Variants in TP63 observed in about 807,000 individuals in gnomAD.
The protein encoded by TP63 is tumor protein 63.
A neutral mutation model predicts 82.8 loss-of-function variants in TP63; 17 were observed. The observed-to-expected ratio is 0.21, with a 90% confidence interval of 0.14 to 0.31. The LOEUF (loss-of-function observed/expected upper bound fraction) is 0.31. TP63 is among the 10% of genes least tolerant of loss of function. The probability of loss-of-function intolerance (pLI) is 1.00; values close to 1 mark genes in which losing one functional copy is unlikely to be tolerated. For missense variants in TP63, 648 were observed against 895.3 expected, an observed-to-expected ratio of 0.72 and a Z score of 3.52; for synonymous variants, 330 against 321.7, an observed-to-expected ratio of 1.03 and a Z score of -0.28.
In TP63 at chr3:189,815,058, T is replaced by C. The variant is rs555855830; in HGVS notation, c.579+6532T>C. On this transcript the variant is annotated intron_variant, in intron 4 of 13. Coordinates refer to ENST00000264731, the MANE Select transcript of TP63 (RefSeq NM_003722.5). ...CCCTTTTCTTCTTTCTCCCTATTCT[T>C]CTCCTCTTCCCGCATTTCTTCTCCC... is the stretch of plus-strand genomic sequence containing the variant. 4.6e-5 allele frequency among the ~76,000 whole-genome samples: 7 copies of C among 152,264 alleles called. No homozygotes were observed. The South Asian group carries it at 1.5e-3, about 32-fold the overall frequency.
chr3:189,627,458 G>A (rs1729345564), upstream of TP63, among the ~76,000 whole-genome samples: 2 of 152,116 alleles, frequency 1.3e-5, no homozygotes, highest in South Asian at 2.1e-4. Context: ...CCATATGCCT[G>A]CATTTATGTG....
intron 10 of TP63, among the ~76,000 whole-genome samples, chr3:189,885,196 T>C (rs1720315823): frequency 6.6e-6 from 1 of 152,222 alleles, no homozygotes; most frequent in African/African-American, 2.4e-5. Flanking sequence ...AGACACTTGC[T>C]TAAAGTCCAG....
At chr3:189,694,968 G>A (rs1372527017) in intron 1 of TP63, among the ~76,000 whole-genome samples, 1 of 151,400 alleles carries the variant, frequency 6.6e-6, no homozygotes, top group African/African-American at 2.4e-5. Context: ...ACCACACCTG[G>A]CTAAGTTTTG....
chr3:189,879,418 G>GT (rs1719659553), intron 10 of TP63, among the ~76,000 whole-genome samples: 1 of 152,146 alleles, frequency 6.6e-6, no homozygotes, highest in Non-Finnish European at 1.5e-5. Context: ...TATAGGCCGA[G>GT]TTTTTTACTC....
At chr3:189,631,295 G>A (rs1447804930), upstream of TP63, 83 of 1,358,896 alleles carry the variant, frequency 6.1e-5, no homozygotes, top group Middle Eastern at 2.9e-4. Flanking sequence ...GAGTGTTTAT[G>A]AAGTTTTAGT....
rs1725464435 is a variant in TP63 at position 189,794,280 on chromosome 3, C to T, written c.325-13992C>T. On this transcript the variant is annotated intron_variant, in intron 3 of 13. Coordinates refer to ENST00000264731, the MANE Select transcript of TP63 (RefSeq NM_003722.5). ...AAAAATAATTAAGAAATAATTCCTA[C>T]ACTAAGAAGTTTATAGTTCTTTGGG... Among the ~76,000 whole-genome samples the T allele has an allele frequency of 4.6e-5, 7 of 152,004 alleles. No individual in the cohort carries two copies. The South Asian group carries it at 1.5e-3, about 31-fold the overall frequency.
intron 3 of TP63, among the ~76,000 whole-genome samples, chr3:189,798,509 A>C (rs1376501144): frequency 6.6e-6 from 1 of 152,104 alleles, no homozygotes; most frequent in Non-Finnish European, 1.5e-5. Context: ...TGATTAAAAA[A>C]AAGTCTTAGA....
At chr3:189,812,677 T>C (rs1480920651) in intron 4 of TP63, among the ~76,000 whole-genome samples, 1 of 152,218 alleles carries the variant, frequency 6.6e-6, no homozygotes, top group African/African-American at 2.4e-5. Context: ...ATACTTTCCT[T>C]ATCATGAGGA....
At chr3:189,890,753 C>T (rs754548841) in intron 12 of TP63, 36 bp from the exon 13 acceptor site, 4 of 1,598,548 alleles carry the variant, frequency 2.5e-6, no homozygotes, top group Non-Finnish European at 3.4e-6. Context: ...CTTTCTTTTT[C>T]TGTTTCCTCC....
chr3:189,725,693 CTT>C (rs150117871), intron 1 of TP63, among the ~76,000 whole-genome samples: 5,449 of 152,260 alleles, frequency 0.036, 120 homozygotes, highest in Middle Eastern at 0.071. Context: ...GAATTCTCAG[CTT>C]TCTGCCATGG....
intron 1 of TP63, among the ~76,000 whole-genome samples, chr3:189,666,213 C>T (rs79913345): frequency 0.07 from 10,569 of 152,022 alleles, 450 homozygotes; most frequent in Middle Eastern, 0.19. Flanking sequence ...ATTATTCTTA[C>T]AATTCCTTGA....
At chr3:189,658,697 A>G (rs1321264981) in intron 1 of TP63, among the ~76,000 whole-genome samples, 3 of 152,102 alleles carry the variant, frequency 2.0e-5, no homozygotes, top group Admixed American at 6.6e-5. Context: ...TCATCAAAAC[A>G]TGGAAAATTT....
At chr3:189,709,481 C>T (rs1045996084) in intron 1 of TP63, among the ~76,000 whole-genome samples, 1 of 151,974 alleles carries the variant, frequency 6.6e-6, no homozygotes, top group African/African-American at 2.4e-5. Flanking sequence ...ACTATTACAA[C>T]TTTGTCTTCA....
intron 3 of TP63, among the ~76,000 whole-genome samples, chr3:189,774,378 T>G (rs1005192476): frequency 6.6e-6 from 1 of 152,236 alleles, no homozygotes; most frequent in South Asian, 2.1e-4. Flanking sequence ...AATTTTATAC[T>G]TGGAAGAATT....
chr3:189,666,415 T>C (rs1331022680), intron 1 of TP63, among the ~76,000 whole-genome samples: 3 of 152,112 alleles, frequency 2.0e-5, no homozygotes, highest in Non-Finnish European at 4.4e-5. Flanking sequence ...TATGAAGTTA[T>C]TTATTCTGTG....
At chr3:189,746,298 G>A (rs1045726110) in intron 3 of TP63, among the ~76,000 whole-genome samples, 1 of 151,694 alleles carries the variant, frequency 6.6e-6, no homozygotes, top group African/African-American at 2.4e-5. Context: ...TGTCAGTCAA[G>A]GATATTATAC....
Position 189,764,117 on chromosome 3 carries a change from G to A in TP63, c.324+25343G>A, listed in dbSNP as rs1722771063. Among the ~76,000 whole-genome samples, 3 of 152,016 alleles carry A rather than the reference G, an allele frequency of 2.0e-5. 1 individual carries two copies. In the South Asian group the frequency reaches 6.2e-4, roughly 32 times the overall value. On this transcript the variant is annotated intron_variant, in intron 3 of 13. Transcript: ENST00000264731. ...TGTATGCTCATTGTCAAAAGAGGTGGGTGTCTTGGGATTATGATTAAGTCC... is the reference window on the plus strand; with the variant it reads ...TGTATGCTCATTGTCAAAAGAGGTGAGTGTCTTGGGATTATGATTAAGTCC...
At chr3:189,747,912 G>T (rs1227013981) in intron 3 of TP63, among the ~76,000 whole-genome samples, 1 of 151,866 alleles carries the variant, frequency 6.6e-6, no homozygotes, top group Non-Finnish European at 1.5e-5. Flanking sequence ...GATCATCAGA[G>T]ATTATTATGA....
At chr3:189,697,038 A>G (rs1286280123) in intron 1 of TP63, among the ~76,000 whole-genome samples, 1 of 152,024 alleles carries the variant, frequency 6.6e-6, no homozygotes, top group African/African-American at 2.4e-5. Context: ...TAATTTTAGT[A>G]AAGTCTAAGT....
Sources: gnomAD v4.1 joint callset for allele counts (sites outside exome capture counted in the v4.1 genomes callset) on GRCh38, gnomAD v4.1.1 for gene constraint, MANE v1.5 for transcripts, NCBI Gene and HGNC (gene_info 2026-07-23, HGNC 2026-07-21) for gene names.